The following DPYD variants were observed in gnomAD, a reference collection of about 807,000 sequenced individuals.
The protein encoded by DPYD is dihydropyrimidine dehydrogenase [NADP(+)].
Under a neutral mutation model 116.2 loss-of-function variants are expected in DPYD, and 109 were observed. That is an observed-to-expected ratio of 0.94 (90% confidence interval 0.80 to 1.10). The LOEUF (loss-of-function observed/expected upper bound fraction) is 1.10, where lower values mean the gene tolerates loss of function less well. Ranked by LOEUF, DPYD falls within the 50% of genes least tolerant of loss-of-function variation. DPYD has a pLI of 0.00. For missense variants in DPYD, 1,302 were observed against 1,254.5 expected (o/e 1.04, Z -0.57); for synonymous variants, 440 against 432.0 (o/e 1.02, Z -0.23).
At position 97,803,442 on chromosome 1, in the gene DPYD, A is replaced by G. The variant is rs567668752; in HGVS notation, c.233+24672T>C. Among the ~76,000 whole-genome samples the G allele has an allele frequency of 2.0e-5, 3 of 151,914 alleles. No individual in the cohort carries two copies. The South Asian group carries it at 6.2e-4, about 31-fold the overall frequency. On this transcript the variant is annotated intron_variant, in intron 3 of 22. Transcript: ENST00000370192. ...TAGTATGACAGAAAAAAATTGAGACATTAATCAAAAAGGTGTTTTAAAATT... is the reference window on the plus strand; with the variant it reads ...TAGTATGACAGAAAAAAATTGAGACGTTAATCAAAAAGGTGTTTTAAAATT...
rs1437370264 is a variant in DPYD, at chr1:97,549,697, CT to C, written c.1386del (p.Glu463LysfsTer2). 8.1e-6 allele frequency: 13 copies of C among 1,613,676 alleles called. No individual in the cohort carries two copies. Among genetic ancestry groups the C allele is most frequent in the Non-Finnish European group, 1.1e-5 (13 of 1,179,878 alleles). ...GTTTGCATAGTTTCTGGATCTACTT[CT>C]GGGAGACCCCATCTGTTAAATTTTA... Reference protein sequence around the residue: ...SPIKFNRWGLPEVDPETMQTS... With the variant: ...SPIKFNRWGLXEVDPETMQTS... On this transcript the variant is annotated frameshift_variant, in exon 12 of 23. Transcript: ENST00000370192. LOFTEE classifies it high-confidence loss of function.
intron 20 of DPYD, among the ~76,000 whole-genome samples, chr1:97,173,572 T>C (rs1366131259): frequency 1.3e-5 from 2 of 151,016 alleles, no homozygotes; most frequent in African/African-American, 4.9e-5. Flanking sequence ...TTTTTAACAA[T>C]TGATCATCAA....
rs548966131 is a variant in DPYD, at chr1:97,251,196, A to G, written c.2300-16202T>C. On this transcript the variant is annotated intron_variant, in intron 18 of 22. Transcript: ENST00000370192. The stretch of plus-strand genomic sequence containing the variant: ...TGGATGACCTGAGGTCAGGAGTTCG[A>G]GACCAGCCTGGCCGACATGGTGAAA... 9.1e-4 allele frequency among the ~76,000 whole-genome samples: 139 copies of G among 152,178 alleles called. 1 individual carries two copies. Among genetic ancestry groups the G allele is most frequent in the African/African-American group, 3.3e-3 (137 of 41,552 alleles).
At chr1:97,748,697 C>T (rs376593285) in intron 3 of DPYD, among the ~76,000 whole-genome samples, 12 of 152,124 alleles carry the variant, frequency 7.9e-5, no homozygotes, top group East Asian at 1.9e-4. Flanking sequence ...TGCTCATACG[C>T]GTTTAAGAAA....
chr1:97,173,468 C>T (rs1035286155), intron 20 of DPYD, among the ~76,000 whole-genome samples: 12 of 128,968 alleles, frequency 9.3e-5, no homozygotes, highest in South Asian at 2.9e-4. Context: ...TATATATACA[C>T]ACATAATGTG....
chr1:97,720,716 G>A (rs1271501158), intron 5 of DPYD: 3 of 1,415,468 alleles, frequency 2.1e-6, no homozygotes, highest in Middle Eastern at 2.6e-4. Flanking sequence ...AAAAATCTAG[G>A]TTGACGGGCA....
intron 16 of DPYD, among the ~76,000 whole-genome samples, chr1:97,340,675 C>CA (rs1301474346): frequency 6.6e-6 from 1 of 151,626 alleles, no homozygotes; most frequent in Non-Finnish European, 1.5e-5. Flanking sequence ...GACCCTATCT[C>CA]AAAAAATAAA....
chr1:97,250,327 G>C (rs978364026), intron 18 of DPYD, among the ~76,000 whole-genome samples: 1 of 151,374 alleles, frequency 6.6e-6, no homozygotes, highest in Non-Finnish European at 1.5e-5. Flanking sequence ...TTGGATAATT[G>C]TTTGACAGTT....
intron 19 of DPYD, among the ~76,000 whole-genome samples, chr1:97,229,546 G>GTGTA (rs1380850807): frequency 5.2e-5 from 3 of 58,164 alleles, no homozygotes; most frequent in African/African-American, 6.1e-5. Flanking sequence ...ACCATCCTAA[G>GTGTA]TATATATATA....
intron 10 of DPYD, among the ~76,000 whole-genome samples, chr1:97,575,537 T>A (rs1434566450): frequency 2.0e-5 from 3 of 152,200 alleles, no homozygotes; most frequent in Non-Finnish European, 4.4e-5. Flanking sequence ...TTTTTAATAT[T>A]GTCATTAAAG....
At chr1:97,820,225 G>A (rs907078167) in intron 3 of DPYD, among the ~76,000 whole-genome samples, 2 of 152,064 alleles carry the variant, frequency 1.3e-5, no homozygotes, top group African/African-American at 4.8e-5. Flanking sequence ...AGGTCAGATG[G>A]TAGTCAACAC....
chr1:97,546,726 G>A, intron 12 of DPYD: 1 of 1,613,196 alleles, frequency 6.2e-7, no homozygotes, highest in East Asian at 2.2e-5. Context: ...TAGAGCTGAA[G>A]TTTCCTGCAC....
intron 20 of DPYD, among the ~76,000 whole-genome samples, chr1:97,162,751 CA>C (rs1340885301): frequency 1.4e-4 from 22 of 152,202 alleles, no homozygotes; most frequent in African/African-American, 4.8e-4. Context: ...CTACAGTAAC[CA>C]AAACAGCATG....
intron 10 of DPYD, among the ~76,000 whole-genome samples, chr1:97,578,296 G>T (rs1002900189): frequency 6.6e-6 from 1 of 151,982 alleles, no homozygotes; most frequent in African/African-American, 2.4e-5. Context: ...TCTTCAGACA[G>T]AAAATGTTAT....
intron 21 of DPYD, among the ~76,000 whole-genome samples, chr1:97,091,764 T>C (rs1649913357): frequency 6.6e-6 from 1 of 152,172 alleles, no homozygotes; most frequent in Non-Finnish European, 1.5e-5. Context: ...ATCCAGTATA[T>C]ATTTTCCCTC....
At chr1:97,907,526 T>G (rs1180676034) in intron 1 of DPYD, among the ~76,000 whole-genome samples, 1 of 152,114 alleles carries the variant, frequency 6.6e-6, no homozygotes, top group East Asian at 1.9e-4. Context: ...GAACCAGGAC[T>G]TTAATAGCAT....
At chr1:97,853,895 C>T (rs920014334) in intron 2 of DPYD, among the ~76,000 whole-genome samples, 3 of 152,084 alleles carry the variant, frequency 2.0e-5, no homozygotes, top group African/African-American at 7.2e-5. Flanking sequence ...GCAAATCTGT[C>T]TCATCCTTGC....
chr1:97,353,952 G>A (rs915374227), intron 16 of DPYD, among the ~76,000 whole-genome samples: 3 of 152,202 alleles, frequency 2.0e-5, no homozygotes, highest in Non-Finnish European at 2.9e-5. Flanking sequence ...CCAGATGGCC[G>A]AGATTTGGGT....
chr1:97,735,937 A>C (rs1190890503), intron 4 of DPYD, among the ~76,000 whole-genome samples: 1 of 151,956 alleles, frequency 6.6e-6, no homozygotes, highest in African/African-American at 2.4e-5. Flanking sequence ...ACTGTAAATA[A>C]AAAGACAAAT....
Sources: allele counts gnomAD v4.1 joint callset (sites outside exome capture counted in the v4.1 genomes callset), GRCh38; gene constraint gnomAD v4.1.1; transcripts MANE v1.5; gene names NCBI Gene and HGNC (gene_info 2026-07-23, HGNC 2026-07-21).